The following GTF2A1 variants were observed in gnomAD, a reference collection of about 807,000 sequenced individuals.
GTF2A1 encodes transcription initiation factor IIA subunit 1.
A neutral mutation model predicts 54.1 loss-of-function variants in GTF2A1; 12 were observed. The ratio of observed to expected loss-of-function variants is 0.22; its 90% CI spans 0.14 to 0.36. The LOEUF is 0.36. Among genes scored for constraint, GTF2A1 ranks in the 10% least tolerant of loss-of-function variants. The probability of loss-of-function intolerance (pLI) is 1.00; values close to 1 mark genes in which losing one functional copy is unlikely to be tolerated. For missense variants in GTF2A1, 335 were observed against 442.2 expected (o/e 0.76, Z 2.17); for synonymous variants, 145 against 152.0 (o/e 0.95, Z 0.34).
chr14:81,206,794 C>G (rs768741121), intron 2 of GTF2A1, among the ~76,000 whole-genome samples: 3 of 151,976 alleles, frequency 2.0e-5, no homozygotes, highest in Non-Finnish European at 4.4e-5. Context: ...TTCTTTCTCT[C>G]TCCTTCCCTC....
At chr14:81,205,453 G>C (rs978078983) in intron 2 of GTF2A1, among the ~76,000 whole-genome samples, 3 of 152,204 alleles carry the variant, frequency 2.0e-5, no homozygotes, top group Non-Finnish European at 4.4e-5. Flanking sequence ...TCTATTCTTA[G>C]AGAGATGGTA....
intron 2 of GTF2A1, among the ~76,000 whole-genome samples, chr14:81,212,854 C>T (rs1371393330): frequency 6.6e-6 from 1 of 152,160 alleles, no homozygotes; most frequent in African/African-American, 2.4e-5. Flanking sequence ...TAGTGGCTAC[C>T]ATACTGAAGA....
In GTF2A1 at chr14:81,179,672, A is replaced by G. The variant is rs572081833; in HGVS notation, c.*551T>C. On this transcript the variant is annotated 3_prime_UTR_variant, in exon 9 of 9. Transcript: ENST00000553612. ...CATAAAGCTGGAAAGGAAGAGGTAT[A>G]TATCACTGAGGGAGAATAGCAAGTA... 12 of 152,362 alleles carry G rather than the reference A, an allele frequency of 7.9e-5. No individual in the cohort carries two copies. The highest frequency in any genetic ancestry group is 2.9e-4 in the African/African-American group (12 of 41,590). The allele number at this position is 152,362 out of a possible 1,614,324, so 9.4% of individuals were successfully genotyped here. A position where few individuals can be genotyped will look rare whatever the true frequency, so the allele number is the denominator to read the frequency against.
chr14:81,209,178 G>A (rs1893307163), intron 2 of GTF2A1, among the ~76,000 whole-genome samples: 1 of 152,158 alleles, frequency 6.6e-6, no homozygotes, highest in Non-Finnish European at 1.5e-5. Context: ...CACATGTTGT[G>A]GGAGGGACAC....
rs1892545724 is a variant in GTF2A1 at position 81,177,121 on chromosome 14, C to T, written c.*3102G>A. ...TTCATATAAAAGCTATATGTTATTT[C>T]CTAAAACCAGAATCTATTATGCTCA... On this transcript the variant is annotated 3_prime_UTR_variant, in exon 9 of 9. Coordinates refer to ENST00000553612, the MANE Select transcript of GTF2A1 (RefSeq NM_015859.4). 1 of 151,964 alleles carries T rather than the reference C, an allele frequency of 6.6e-6. No homozygotes were observed. The highest frequency in any genetic ancestry group is 1.5e-5 in the Non-Finnish European group (1 of 67,916). 9.4% of individuals were successfully genotyped at this position (151,964 alleles called of 1,614,324 possible).
At chr14:81,195,356 G>C (rs148832683) in intron 6 of GTF2A1, among the ~76,000 whole-genome samples, 2 of 149,916 alleles carry the variant, frequency 1.3e-5, no homozygotes, top group African/African-American at 4.9e-5. Flanking sequence ...AAAAAAGGCC[G>C]GGCGCAGTGG....
Position 81,209,913 on chromosome 14 carries a change from G to A in GTF2A1, c.133-5809C>T, listed in dbSNP as rs992978824. ...TCTACCAAAGTATGAACATCTTCTG[G>A]GCAGCAACTGTCTTATTCAGGATCT... On this transcript the variant is annotated intron_variant, in intron 2 of 8. Coordinates refer to ENST00000553612, the MANE Select transcript of GTF2A1 (RefSeq NM_015859.4). The A allele has an allele frequency of 3.9e-6, 5 of 1,274,110 alleles. No individual in the cohort carries two copies. In the African/African-American group the frequency reaches 4.6e-5, roughly 12 times the overall value. The allele number at this position is 1,274,110 out of a possible 1,614,324, so 78.9% of individuals were successfully genotyped here.
At chr14:81,199,133 T>C (rs992276421) in intron 4 of GTF2A1, among the ~76,000 whole-genome samples, 1 of 152,024 alleles carries the variant, frequency 6.6e-6, no homozygotes, top group African/African-American at 2.4e-5. Context: ...AAAACAAAAA[T>C]ATTTAGAAAT....
chr14:81,183,310 G>A (rs1199454571), intron 8 of GTF2A1, among the ~76,000 whole-genome samples: 1 of 152,094 alleles, frequency 6.6e-6, no homozygotes, highest in Non-Finnish European at 1.5e-5. Flanking sequence ...TTTCCAGCAT[G>A]AACCAAGTGA....
intron 3 of GTF2A1, 36 bp from the exon 4 acceptor site, chr14:81,201,694 C>T (rs778659257): frequency 7.0e-7 from 1 of 1,425,742 alleles, no homozygotes; most frequent in Non-Finnish European, 9.9e-7. Context: ...AACAAGGAAC[C>T]ATGAGGCTAT....
chr14:81,183,408 A>G (rs1008199305), intron 8 of GTF2A1, among the ~76,000 whole-genome samples: 1 of 152,260 alleles, frequency 6.6e-6, no homozygotes, highest in African/African-American at 2.4e-5. Flanking sequence ...AGACAAGTAA[A>G]GAAACTGCCT....
At chr14:81,190,150 C>T (rs929853365) in intron 7 of GTF2A1, among the ~76,000 whole-genome samples, 1 of 151,726 alleles carries the variant, frequency 6.6e-6, no homozygotes, top group Non-Finnish European at 1.5e-5. Context: ...AAAAATATAA[C>T]TTATCAAAAC....
chr14:81,213,185 TG>T (rs1893410847), intron 2 of GTF2A1, among the ~76,000 whole-genome samples: 1 of 152,168 alleles, frequency 6.6e-6, no homozygotes, highest in African/African-American at 2.4e-5. Flanking sequence ...CCAGACATCG[TG>T]GTAGAAGCTG....
At position 81,198,573 on chromosome 14, in the gene GTF2A1, C is replaced by T. The variant is rs183956090; in HGVS notation, c.403-1089G>A. 1.9e-3 allele frequency among the ~76,000 whole-genome samples: 284 copies of T among 152,234 alleles called. 4 individuals are homozygous for T. Among genetic ancestry groups the T allele is most frequent in the Non-Finnish European group, 3.4e-4 (23 of 68,018 alleles). Reference sequence around the variant, plus strand: ...GAGAGTTCTGGAGAGTTTTCTCCTCCTGTCCTCCCGCAAAGAATTATGCCA... The same window carrying T: ...GAGAGTTCTGGAGAGTTTTCTCCTCTTGTCCTCCCGCAAAGAATTATGCCA... On this transcript the variant is annotated intron_variant, in intron 4 of 8. Coordinates refer to ENST00000553612, the MANE Select transcript of GTF2A1 (RefSeq NM_015859.4).
upstream of GTF2A1, chr14:81,221,016 GCGCGAGACAC>G (rs948400552): frequency 2.0e-5 from 3 of 153,816 alleles, no homozygotes; most frequent in African/African-American, 4.8e-5. Flanking sequence ...GCGGGGCTGA[GCGCGAGACAC>G]CGCGAGAGCC....
intron 8 of GTF2A1, among the ~76,000 whole-genome samples, chr14:81,184,567 T>C (rs1256692154): frequency 6.6e-6 from 1 of 152,194 alleles, no homozygotes; most frequent in Non-Finnish European, 1.5e-5. Context: ...TCCATAGTGT[T>C]GGCATTCTCC....
rs1157130554 is a variant in GTF2A1 at position 81,220,700 on chromosome 14, G to C, written c.-182C>G. ...GAGCGGAGAGAGGAGGAGGAGGGGG[G>C]CACTCCTCCCGCAGCTGAAAACCTC... On this transcript the variant is annotated 5_prime_UTR_variant, in exon 1 of 9. Coordinates refer to ENST00000553612, the MANE Select transcript of GTF2A1 (RefSeq NM_015859.4). The C allele has an allele frequency of 2.3e-5, 7 of 304,924 alleles. No individual in the cohort carries two copies. The highest frequency in any genetic ancestry group is 1.0e-4 in the East Asian group (2 of 19,694). The allele number at this position is 304,924 out of a possible 1,614,324, so 18.9% of individuals were successfully genotyped here. A position where few individuals can be genotyped will look rare whatever the true frequency, so the allele number is the denominator to read the frequency against.
At chr14:81,182,481 CAG>C (rs982892585) in intron 8 of GTF2A1, among the ~76,000 whole-genome samples, 2 of 152,152 alleles carry the variant, frequency 1.3e-5, no homozygotes, top group Admixed American at 6.5e-5. Flanking sequence ...CCACAAATCT[CAG>C]AGTCAGGAAA....
intron 2 of GTF2A1, 53 bp downstream of exon 2, chr14:81,216,360 A>T: frequency 1.2e-6 from 1 of 800,058 alleles, no homozygotes; most frequent in Non-Finnish European, 2.2e-6. Context: ...CCGGCTAAAG[A>T]AAATGTTTTG....
Sources: allele counts gnomAD v4.1 joint callset (sites outside exome capture counted in the v4.1 genomes callset), GRCh38; gene constraint gnomAD v4.1.1; transcripts MANE v1.5; gene names NCBI Gene and HGNC (gene_info 2026-07-23, HGNC 2026-07-21).